The following EFCAB3 variants were observed in gnomAD, a reference collection of about 807,000 sequenced individuals.
EFCAB3 encodes the protein EF-hand calcium binding domain 3, also known as EF-hand calcium-binding domain-containing protein 3.
A neutral mutation model predicts 42.2 loss-of-function variants in EFCAB3; 36 were observed. The ratio of observed to expected loss-of-function variants is 0.85; its 90% CI spans 0.65 to 1.13. The LOEUF is 1.13. EFCAB3 is among the 50% of genes most tolerant of loss of function. The pLI is 0.00. For synonymous variants in EFCAB3, 170 were observed against 172.8 expected, an observed-to-expected ratio of 0.98 and a Z score of 0.13; for missense variants, 418 against 505.1, an observed-to-expected ratio of 0.83 and a Z score of 1.65.
At chr17:62,395,540 T>C (rs2070341688) in intron 6 of EFCAB3, among the ~76,000 whole-genome samples, 1 of 152,194 alleles carries the variant, frequency 6.6e-6, no homozygotes, top group Admixed American at 6.5e-5. Flanking sequence ...CAGTTTGGAA[T>C]ATAAGACACT....
At chr17:62,399,172 G>C (rs958827255) in intron 6 of EFCAB3, among the ~76,000 whole-genome samples, 1 of 142,530 alleles carries the variant, frequency 7.0e-6, no homozygotes, top group African/African-American at 2.5e-5. Context: ...ATTTCCCTCA[G>C]AGTAAAAGCC....
chr17:62,407,003 A>C, intron 7 of EFCAB3, 25 bp from the exon 8 acceptor site: 2 of 1,560,744 alleles, frequency 1.3e-6, no homozygotes, highest in South Asian at 2.4e-5. Flanking sequence ...TGTTTGTGAT[A>C]CCATTTTTGT....
At chr17:62,385,302 G>T (rs1453787610) in intron 2 of EFCAB3, among the ~76,000 whole-genome samples, 3 of 152,062 alleles carry the variant, frequency 2.0e-5, no homozygotes, top group African/African-American at 7.2e-5. Flanking sequence ...AATTAGCTGG[G>T]TATGGTGGCA....
chr17:62,416,474 C>A lies in EFCAB3; in HGVS notation c.*145C>A, dbSNP rs911879616. The A allele has an allele frequency of 4.9e-5, 28 of 572,936 alleles. No homozygotes were observed. The highest frequency in any genetic ancestry group is 7.2e-5 in the Non-Finnish European group (25 of 346,726). The allele number at this position is 572,936 out of a possible 1,614,324, so 35.5% of individuals were successfully genotyped here. ...TTCTGACCAGTAAAAAAGTTTAAGT[C>A]ATAAAATGGTTTCCCTTTCCTAAAT... On this transcript the variant is annotated 3_prime_UTR_variant, in exon 10 of 10. Transcript: ENST00000305286.
At chr17:62,409,229 G>A (rs908129963) in intron 8 of EFCAB3, among the ~76,000 whole-genome samples, 2 of 151,904 alleles carry the variant, frequency 1.3e-5, no homozygotes, top group African/African-American at 2.4e-5. Context: ...GCTAATTTTT[G>A]TATTCTTAGT....
intron 8 of EFCAB3, among the ~76,000 whole-genome samples, chr17:62,408,974 A>G (rs959053216): frequency 2.0e-5 from 3 of 152,240 alleles, no homozygotes; most frequent in Admixed American, 6.5e-5. Context: ...CCCCATTAAA[A>G]TAACAATCCC....
intron 4 of EFCAB3, among the ~76,000 whole-genome samples, chr17:62,392,168 A>G (rs994542264): frequency 1.3e-5 from 2 of 149,228 alleles, no homozygotes; most frequent in Non-Finnish European, 3.0e-5. Flanking sequence ...ATATTTGTAT[A>G]TTATATGTTT....
In EFCAB3 at chr17:62,416,414, A is replaced by C. The variant is rs2070550146; in HGVS notation, c.*85A>C. ...TTGTTTCTTGCTTTTGTCTAAGTACATTCTTAGAAGCTGGAAATTTTGACA... is the reference window on the plus strand; with the variant it reads ...TTGTTTCTTGCTTTTGTCTAAGTACCTTCTTAGAAGCTGGAAATTTTGACA... On this transcript the variant is annotated 3_prime_UTR_variant, in exon 10 of 10. Transcript: ENST00000305286. 8.6e-7 allele frequency: 1 copy of C among 1,163,194 alleles called. No individual in the cohort carries two copies. Among genetic ancestry groups the C allele is most frequent in the African/African-American group, 1.5e-5 (1 of 64,602 alleles). 72.1% of individuals were successfully genotyped at this position (1,163,194 alleles called of 1,614,324 possible).
intron 2 of EFCAB3, among the ~76,000 whole-genome samples, chr17:62,383,654 C>T (rs1321238743): frequency 6.6e-6 from 1 of 151,762 alleles, no homozygotes; most frequent in East Asian, 1.9e-4. Flanking sequence ...CAGAATTCTC[C>T]CTCCTGTCCT....
At chr17:62,413,048 C>A (rs781362581) in intron 8 of EFCAB3, among the ~76,000 whole-genome samples, 12 of 151,978 alleles carry the variant, frequency 7.9e-5, no homozygotes, top group Non-Finnish European at 1.2e-4. Context: ...AGAAAAGAAA[C>A]CTTAAACATA....
At chr17:62,376,045 A>G (rs1426631772), upstream of EFCAB3, among the ~76,000 whole-genome samples, 1 of 152,190 alleles carries the variant, frequency 6.6e-6, no homozygotes, top group Non-Finnish European at 1.5e-5. Flanking sequence ...CCACTGAAAT[A>G]TATTTTATTC....
intron 6 of EFCAB3, among the ~76,000 whole-genome samples, chr17:62,398,969 C>T (rs1227397977): frequency 6.6e-6 from 1 of 152,022 alleles, no homozygotes; most frequent in African/African-American, 2.4e-5. Context: ...TTACATACAT[C>T]AGTTTTTCCC....
At chr17:62,413,122 A>G (rs2070514042) in intron 8 of EFCAB3, among the ~76,000 whole-genome samples, 3 of 152,202 alleles carry the variant, frequency 2.0e-5, no homozygotes, top group African/African-American at 4.8e-5. Context: ...TTTTTAAATA[A>G]AAAGATATTA....
upstream of EFCAB3, among the ~76,000 whole-genome samples, chr17:62,378,385 G>C (rs1166935682): frequency 6.6e-6 from 1 of 152,146 alleles, no homozygotes; most frequent in Non-Finnish European, 1.5e-5. Context: ...TTGGGCTTTA[G>C]TGTCCTTAGC....
intron 2 of EFCAB3, among the ~76,000 whole-genome samples, chr17:62,387,056 G>T (rs960515698): frequency 6.6e-6 from 1 of 152,092 alleles, no homozygotes; most frequent in African/African-American, 2.4e-5. Context: ...CCTCCCAAAG[G>T]GGTAGGAGTA....
rs181498154 is a variant in EFCAB3, at chr17:62,407,709, C to A, written c.867+497C>A. Among the ~76,000 whole-genome samples the A allele has an allele frequency of 3.8e-3, 573 of 152,236 alleles. 2 individuals carry two copies. The highest frequency in any genetic ancestry group is 0.012 in the African/African-American group (490 of 41,558). On this transcript the variant is annotated intron_variant, in intron 8 of 9. Transcript: ENST00000305286. ...TGTTGACTCTAGTCTTTTTGCCCCCCCTCCCAGGATATACTTTTGTCATCA... is the reference window on the plus strand; with the variant it reads ...TGTTGACTCTAGTCTTTTTGCCCCCACTCCCAGGATATACTTTTGTCATCA...
intron 5 of EFCAB3, 31 bp downstream of exon 5, chr17:62,393,675 T>G (rs1013733717): frequency 6.3e-7 from 1 of 1,591,738 alleles, no homozygotes. Flanking sequence ...CAGAAGGCAG[T>G]TGGGCAGCTA....
chr17:62,389,329 G>C (rs1456461886), intron 3 of EFCAB3, among the ~76,000 whole-genome samples: 5 of 152,160 alleles, frequency 3.3e-5, no homozygotes, highest in Non-Finnish European at 7.4e-5. Context: ...CTATGGAATT[G>C]GATGGTTTGC....
chr17:62,384,704 T>C (rs1462738790), intron 2 of EFCAB3, among the ~76,000 whole-genome samples: 1 of 152,218 alleles, frequency 6.6e-6, no homozygotes, highest in Non-Finnish European at 1.5e-5. Flanking sequence ...TACTGCATCT[T>C]CTACATCATG....
Sources: gnomAD v4.1 joint callset for allele counts (sites outside exome capture counted in the v4.1 genomes callset) on GRCh38, gnomAD v4.1.1 for gene constraint, MANE v1.5 for transcripts, NCBI Gene and HGNC (gene_info 2026-07-23, HGNC 2026-07-21) for gene names.